RYR3: variants seen among roughly 807,000 people sequenced by gnomAD.
The protein encoded by RYR3 is ryanodine receptor 3.
RYR3 carries 207 observed loss-of-function variants against 584.3 expected under a neutral mutation model. The ratio of observed to expected loss-of-function variants is 0.35; its 90% CI spans 0.32 to 0.40. RYR3 has a LOEUF of 0.40. Among genes scored for constraint, RYR3 ranks in the 10% least tolerant of loss-of-function variants. The pLI, the probability that RYR3 is intolerant of heterozygous loss-of-function variation, is 1.00. For missense variants in RYR3, 5,616 were observed against 6,089.2 expected, an observed-to-expected ratio of 0.92 and a Z score of 2.59; for synonymous variants, 2,416 against 2,248.5, an observed-to-expected ratio of 1.07 and a Z score of -2.11.
In RYR3 at chr15:33,406,274, T is replaced by G. The variant is rs2676039; in HGVS notation, c.52-67145T>G. On this transcript the variant is annotated intron_variant, in intron 1 of 103. Coordinates refer to ENST00000634891, the MANE Select transcript of RYR3 (RefSeq NM_001036.6). ...CACCTTCTCTGATTAGACAGGTGAT[T>G]AGGGGAGAAGAAGTCCCAAGGAGTG... is the stretch of plus-strand genomic sequence containing the variant. Among the ~76,000 whole-genome samples, 1,475 of 152,270 alleles carry G rather than the reference T, an allele frequency of 9.7e-3. 19 individuals are homozygous for G. The highest frequency in any genetic ancestry group is 0.034 in the African/African-American group (1,419 of 41,544).
At chr15:33,567,927 C>T (rs1028373331) in intron 12 of RYR3, among the ~76,000 whole-genome samples, 3 of 152,126 alleles carry the variant, frequency 2.0e-5, no homozygotes, top group Admixed American at 2.0e-4. Flanking sequence ...GGTTTTAATA[C>T]CCTGATGCCC....
Position 33,821,264 on chromosome 15 carries a change from C to G in RYR3, c.10816-6C>G, listed in dbSNP as rs761004881. The G allele has an allele frequency of 1.3e-5, 20 of 1,584,624 alleles. No homozygotes were observed. The Admixed American group carries it at 2.3e-4, about 19-fold the overall frequency. ...AATCTTTCCCTGTGATTTTTTTTCC[C>G]CCCAGGAGAAAGAGATGGAGAAGCA... On this transcript the variant is annotated splice_polypyrimidine_tract_variant and splice_region_variant and intron_variant, in intron 78 of 103. Transcript: ENST00000634891.
At chr15:33,836,847 T>C (rs2078086382) in intron 87 of RYR3, 59 bp from the exon 88 acceptor site, 3 of 1,385,034 alleles carry the variant, frequency 2.2e-6, no homozygotes, top group Non-Finnish European at 3.0e-6. Context: ...TCTCGCTCAC[T>C]GCCCTGTACT....
intron 3 of RYR3, among the ~76,000 whole-genome samples, chr15:33,524,016 G>C (rs2054209527): frequency 2.0e-5 from 3 of 152,292 alleles, no homozygotes; most frequent in South Asian, 4.1e-4. Context: ...TCCTGGCAAA[G>C]TAATCGTACC....
intron 67 of RYR3, among the ~76,000 whole-genome samples, chr15:33,794,347 A>ACAGATAT: frequency 1.3e-5 from 1 of 74,534 alleles, no homozygotes; most frequent in Non-Finnish European, 2.9e-5. Context: ...ATATATATAA[A>ACAGATAT]AATATATATA....
intron 50 of RYR3, 95 bp downstream of exon 50, chr15:33,738,685 C>T (rs1383859423): frequency 1.2e-5 from 17 of 1,419,536 alleles, no homozygotes; most frequent in East Asian, 2.3e-5. Flanking sequence ...TTCCATTTGC[C>T]AGGACCTGTG....
At position 33,664,589 on chromosome 15, in the gene RYR3, G is replaced by GTGTATATATA. The variant is rs577496539; in HGVS notation, c.5619+853_5619+854insGTATATATAT. Among the ~76,000 whole-genome samples the GTGTATATATA allele has an allele frequency of 2.9e-3, 268 of 91,364 alleles. 5 individuals are homozygous for GTGTATATATA. Among genetic ancestry groups the GTGTATATATA allele is most frequent in the African/African-American group, 8.4e-3 (192 of 22,754 alleles). 59.9% of individuals were successfully genotyped at this position (91,364 alleles called of 152,430 possible). On this transcript the variant is annotated intron_variant, in intron 36 of 103. Coordinates refer to ENST00000634891, the MANE Select transcript of RYR3 (RefSeq NM_001036.6). ...TATATAGATATATGTGTGTGTGTGT[G>GTGTATATATA]TATATATATATATATATATATATAT...
intron 32 of RYR3, among the ~76,000 whole-genome samples, chr15:33,654,471 A>G (rs979652789): frequency 6.6e-6 from 1 of 151,554 alleles, no homozygotes; most frequent in Non-Finnish European, 1.5e-5. Flanking sequence ...TGATTGTTCC[A>G]CTGTACCCTA....
rs762987219 is a variant in RYR3 at position 33,701,096 on chromosome 15, G to A, written c.6483+16G>A. On this transcript the variant is annotated intron_variant, in intron 42 of 103. Coordinates refer to ENST00000634891, the MANE Select transcript of RYR3 (RefSeq NM_001036.6). ...CCTCGAGAAGGTAACCGGCCCTTGGGGTGGCAGTGTGGTGTTCTCTTCGGC... is the reference window on the plus strand; with the variant it reads ...CCTCGAGAAGGTAACCGGCCCTTGGAGTGGCAGTGTGGTGTTCTCTTCGGC... The A allele has an allele frequency of 3.2e-6, 5 of 1,580,612 alleles. No individual in the cohort carries two copies. Among genetic ancestry groups the A allele is most frequent in the Non-Finnish European group, 4.3e-6 (5 of 1,152,454 alleles).
At chr15:33,464,104 G>A (rs1377846013) in intron 1 of RYR3, among the ~76,000 whole-genome samples, 1 of 151,822 alleles carries the variant, frequency 6.6e-6, no homozygotes, top group Non-Finnish European at 1.5e-5. Flanking sequence ...TATGCATGAA[G>A]GTTATTAATG....
At chr15:33,862,980 A>G (rs1343949016) in intron 102 of RYR3, among the ~76,000 whole-genome samples, 1 of 152,194 alleles carries the variant, frequency 6.6e-6, no homozygotes, top group African/African-American at 2.4e-5. Flanking sequence ...TTTATCATCA[A>G]TTCCCATTAA....
chr15:33,748,022 C>T, intron 53 of RYR3, 92 bp from the exon 54 acceptor site: 1 of 1,231,008 alleles, frequency 8.1e-7, no homozygotes, highest in Non-Finnish European at 1.2e-6. Flanking sequence ...AGCACCCCCA[C>T]CCACAGTGGG....
At chr15:33,572,437 A>G (rs573749854) in intron 12 of RYR3, among the ~76,000 whole-genome samples, 34 of 151,028 alleles carry the variant, frequency 2.3e-4, no homozygotes, top group Non-Finnish European at 4.4e-4. Flanking sequence ...TCTATCCTGG[A>G]TTTTGTCTTC....
chr15:33,815,492 A>T (rs974600870), intron 74 of RYR3: 12 of 176,532 alleles, frequency 6.8e-5, no homozygotes, highest in Non-Finnish European at 1.2e-5. Context: ...TCCACTGAAG[A>T]TATTAGTACC....
intron 10 of RYR3, among the ~76,000 whole-genome samples, chr15:33,552,233 A>G (rs1248611377): frequency 1.3e-5 from 2 of 152,120 alleles, no homozygotes; most frequent in African/African-American, 4.8e-5. Context: ...CTTGTGGAGC[A>G]TGGGTCAGCA....
chr15:33,711,716 C>G (rs923461815), intron 43 of RYR3, among the ~76,000 whole-genome samples: 7 of 152,174 alleles, frequency 4.6e-5, no homozygotes, highest in Admixed American at 2.0e-4. Context: ...AAATAAGTTC[C>G]TCATTTCCAC....
chr15:33,525,825 C>CTA lies in RYR3; in HGVS notation c.280-4766_280-4765dup, dbSNP rs1216329448. Among the ~76,000 whole-genome samples the CTA allele has an allele frequency of 2.6e-5, 4 of 152,296 alleles. No homozygotes were observed. The East Asian group carries it at 7.7e-4, about 29-fold the overall frequency. ...ACCTCCCAGGCAATGTAAAAGGGCT[C>CTA]TAGCCTGTTCAGGAAATATTGTTCT... On this transcript the variant is annotated intron_variant, in intron 3 of 103. Transcript: ENST00000634891.
chr15:33,631,253 G>T lies in RYR3; in HGVS notation c.2827G>T (p.Ala943Ser). Reference protein sequence around the residue: ...LGCHIAHVNPAAEEDLKKVKL... With the variant: ...LGCHIAHVNPSAEEDLKKVKL... ...GTGCCACATTGCTCATGTTAACCCA[G>T]CTGCTGAGGAGGATCTCAAGAAGGT... Residue 943 changes from alanine (A) to serine (S), a missense_variant, in exon 23 of 104, where the codon GCT becomes TCT. By Grantham distance (99) the Ala-to-Ser change is moderately conservative (BLOSUM62 1). Transcript: ENST00000634891. 6.3e-7 allele frequency: 1 copy of T among 1,591,706 alleles called. No individual in the cohort carries two copies. The highest frequency in any genetic ancestry group is 8.6e-7 in the Non-Finnish European group (1 of 1,168,206).
At chr15:33,742,280 C>T (rs1207698779) in intron 51 of RYR3, 86 bp from the exon 52 acceptor site, 4 of 835,378 alleles carry the variant, frequency 4.8e-6, no homozygotes, top group Non-Finnish European at 8.2e-6. Flanking sequence ...CTTCTGACAG[C>T]TGGTTGATTG....
Sources: gnomAD v4.1 joint callset for allele counts (sites outside exome capture counted in the v4.1 genomes callset) on GRCh38, gnomAD v4.1.1 for gene constraint, MANE v1.5 for transcripts, NCBI Gene and HGNC (gene_info 2026-07-23, HGNC 2026-07-21) for gene names.